The following SEMA3A variants were observed in gnomAD, a reference collection of about 807,000 sequenced individuals.
SEMA3A encodes semaphorin-3A.
SEMA3A carries 29 observed loss-of-function variants against 97.9 expected under a neutral mutation model. The observed-to-expected ratio is 0.30, with a 90% CI of 0.22 to 0.40. SEMA3A has a LOEUF of 0.40. SEMA3A is among the 10% of genes least tolerant of loss of function. The pLI is 1.00. For synonymous variants in SEMA3A, 321 were observed against 323.7 expected, an observed-to-expected ratio of 0.99 and a Z score of 0.09; for missense variants, 763 against 951.3, an observed-to-expected ratio of 0.80 and a Z score of 2.60.
chr7:84,452,920 G>T (rs931860420), intron 1 of SEMA3A, among the ~76,000 whole-genome samples: 6 of 152,064 alleles, frequency 3.9e-5, no homozygotes, highest in Non-Finnish European at 5.9e-5. Context: ...GCCTTTTTTG[G>T]GGGGGAAGTA....
At chr7:84,195,983 T>A (rs1241076716), upstream of SEMA3A, among the ~76,000 whole-genome samples, 1 of 152,160 alleles carries the variant, frequency 6.6e-6, no homozygotes, top group African/African-American at 2.4e-5. Flanking sequence ...CCTCTCAATT[T>A]TCTCTCTTAT....
intron 3 of SEMA3A, among the ~76,000 whole-genome samples, chr7:84,126,092 A>G (rs902492790): frequency 6.6e-6 from 1 of 152,234 alleles, no homozygotes. Context: ...ACATATACTA[A>G]TAATAGCAAT....
At chr7:84,486,801 A>G (rs1228933) in intron 1 of SEMA3A, among the ~76,000 whole-genome samples, 34,888 of 152,080 alleles carry the variant, frequency 0.23, 4,334 homozygotes, top group African/African-American at 0.32. Flanking sequence ...TATTTCAGGA[A>G]AATAAGTTTG....
chr7:84,368,963 C>T (rs1315505395), intron 2 of SEMA3A, among the ~76,000 whole-genome samples: 1 of 150,668 alleles, frequency 6.6e-6, no homozygotes, highest in Non-Finnish European at 1.5e-5. Context: ...ATAGATTTTC[C>T]ATCAAATATA....
chr7:84,319,007 A>G (rs1458840935), intron 2 of SEMA3A, among the ~76,000 whole-genome samples: 1 of 152,218 alleles, frequency 6.6e-6, no homozygotes, highest in Non-Finnish European at 1.5e-5. Flanking sequence ...GAATAACAGC[A>G]GCTACTATTA....
chr7:84,276,206 C>A (rs1243488711), intron 3 of SEMA3A, among the ~76,000 whole-genome samples: 2 of 152,060 alleles, frequency 1.3e-5, no homozygotes, highest in Admixed American at 6.6e-5. Flanking sequence ...CTAGTAGGCA[C>A]TGTATGCACT....
chr7:84,450,071 G>C (rs1805517760), intron 1 of SEMA3A, among the ~76,000 whole-genome samples: 1 of 152,052 alleles, frequency 6.6e-6, no homozygotes, highest in Non-Finnish European at 1.5e-5. Flanking sequence ...TCCAGATTCT[G>C]ACTTCAATTC....
intron 1 of SEMA3A, among the ~76,000 whole-genome samples, chr7:84,192,311 C>T (rs1347055733): frequency 6.6e-6 from 1 of 151,814 alleles, no homozygotes; most frequent in Admixed American, 6.6e-5. Context: ...CATGTAGAGA[C>T]AAAAAGGTAA....
chr7:84,125,850 C>T (rs1795777321), intron 3 of SEMA3A, among the ~76,000 whole-genome samples: 1 of 152,048 alleles, frequency 6.6e-6, no homozygotes, highest in South Asian at 2.1e-4. Flanking sequence ...ATTATGAAAT[C>T]AAATATGCTT....
At chr7:84,319,688 C>T (rs1801599980) in intron 2 of SEMA3A, among the ~76,000 whole-genome samples, 1 of 152,090 alleles carries the variant, frequency 6.6e-6, no homozygotes, top group South Asian at 2.1e-4. Flanking sequence ...AAATATATTG[C>T]AGATATTTTC....
At chr7:83,997,971 C>T (rs894696769) in intron 12 of SEMA3A, among the ~76,000 whole-genome samples, 5 of 151,920 alleles carry the variant, frequency 3.3e-5, no homozygotes, top group Non-Finnish European at 7.4e-5. Context: ...CTCTTGACCT[C>T]GTGATTCGCA....
At chr7:83,965,956 G>A (rs1285726896) in intron 15 of SEMA3A, among the ~76,000 whole-genome samples, 1 of 150,216 alleles carries the variant, frequency 6.7e-6, no homozygotes, top group Admixed American at 6.7e-5. Context: ...TGGGATTACA[G>A]GTGTGAGCCA....
At chr7:84,098,405 A>G (rs1794844393) in intron 4 of SEMA3A, among the ~76,000 whole-genome samples, 1 of 151,982 alleles carries the variant, frequency 6.6e-6, no homozygotes, top group African/African-American at 2.4e-5. Flanking sequence ...TTGTCCAGGT[A>G]GAAGTAAGGT....
At chr7:84,461,082 G>C (rs1805826435) in intron 1 of SEMA3A, among the ~76,000 whole-genome samples, 1 of 151,984 alleles carries the variant, frequency 6.6e-6, no homozygotes, top group Non-Finnish European at 1.5e-5. Flanking sequence ...AAAATTCATA[G>C]GGTATAAGGA....
intron 1 of SEMA3A, among the ~76,000 whole-genome samples, chr7:84,168,106 T>A (rs1797270570): frequency 6.6e-6 from 1 of 152,210 alleles, no homozygotes; most frequent in South Asian, 2.1e-4. Context: ...AGGTCAAAGA[T>A]AATTTATACG....
At chr7:84,238,968 C>T (rs930838320) in intron 3 of SEMA3A, among the ~76,000 whole-genome samples, 6 of 152,080 alleles carry the variant, frequency 3.9e-5, no homozygotes, top group African/African-American at 1.2e-4. Context: ...CCGCCTGCCT[C>T]GGCCTCTCAA....
chr7:84,415,178 G>A (rs1017622615), intron 1 of SEMA3A, among the ~76,000 whole-genome samples: 10 of 152,038 alleles, frequency 6.6e-5, no homozygotes, highest in South Asian at 2.1e-4. Context: ...GAAATGATTC[G>A]CATCTGTATA....
At chr7:84,404,456 T>C (rs955633025) in intron 1 of SEMA3A, among the ~76,000 whole-genome samples, 4 of 152,304 alleles carry the variant, frequency 2.6e-5, no homozygotes, top group East Asian at 1.9e-4. Flanking sequence ...TGGAACCCAG[T>C]TGGAAAACAC....
chr7:83,973,941 AT>A (rs1789025175), intron 15 of SEMA3A, among the ~76,000 whole-genome samples: 1 of 151,254 alleles, frequency 6.6e-6, no homozygotes, highest in South Asian at 2.1e-4. Context: ...GTAAATCATA[AT>A]ATGGCCCATT....
Sources: allele counts gnomAD v4.1 joint callset (sites outside exome capture counted in the v4.1 genomes callset), GRCh38; gene constraint gnomAD v4.1.1; transcripts MANE v1.5; gene names NCBI Gene and HGNC (gene_info 2026-07-23, HGNC 2026-07-21).